Variants in LHFPL2 observed in about 807,000 individuals in gnomAD.
The protein encoded by LHFPL2 is LHFPL tetraspan subfamily member 2, also known as LHFPL tetraspan subfamily member 2 protein.
A neutral mutation model predicts 17.5 loss-of-function variants in LHFPL2; 7 were observed. That is an observed-to-expected ratio of 0.40 (90% CI 0.23 to 0.75). The LOEUF (loss-of-function observed/expected upper bound fraction) is 0.75. LHFPL2 is among the 30% of genes least tolerant of loss of function. The pLI is 0.37. For synonymous variants in LHFPL2, 134 were observed against 116.2 expected (o/e 1.15, Z -0.99); for missense variants, 241 against 294.8 (o/e 0.82, Z 1.34).
intron 2 of LHFPL2, among the ~76,000 whole-genome samples, chr5:78,618,673 C>T (rs1002206013): frequency 2.6e-5 from 4 of 152,210 alleles, no homozygotes; most frequent in East Asian, 3.8e-4. Context: ...TCCGGTGACA[C>T]GTACTTTCGT....
intron 3 of LHFPL2, among the ~76,000 whole-genome samples, chr5:78,536,990 T>G (rs962912779): frequency 6.6e-6 from 1 of 152,214 alleles, no homozygotes; most frequent in Non-Finnish European, 1.5e-5. Flanking sequence ...CTCCTCTAAG[T>G]GTGCTCCCTG....
At chr5:78,527,663 A>T (rs1755660559) in intron 3 of LHFPL2, among the ~76,000 whole-genome samples, 1 of 152,062 alleles carries the variant, frequency 6.6e-6, no homozygotes. Context: ...GGGACGAAGG[A>T]TTTCAGATTT....
In LHFPL2 at chr5:78,536,652, G is replaced by C. The variant is rs541121059; in HGVS notation, c.-185-26254C>G. On this transcript the variant is annotated intron_variant, in intron 3 of 4. Coordinates refer to ENST00000380345, the MANE Select transcript of LHFPL2 (RefSeq NM_005779.3). ...ATTCCATTATTTTAGGACAGTCTCA[G>C]TTATTCATCAGCTAGCTCAGGGCTG... 4.6e-5 allele frequency among the ~76,000 whole-genome samples: 7 copies of C among 152,300 alleles called. No individual in the cohort carries two copies. The South Asian group carries it at 1.4e-3, about 32-fold the overall frequency.
chr5:78,631,210 T>C (rs17391168), intron 2 of LHFPL2, among the ~76,000 whole-genome samples: 52,466 of 152,116 alleles, frequency 0.34, 9,608 homozygotes, highest in African/African-American at 0.46. Context: ...TTGTTCCCTA[T>C]TGCCTTTACG....
At chr5:78,547,056 G>T (rs980191959) in intron 3 of LHFPL2, among the ~76,000 whole-genome samples, 1 of 151,528 alleles carries the variant, frequency 6.6e-6, no homozygotes, top group South Asian at 2.1e-4. Flanking sequence ...GGTCCCCTTG[G>T]CCCCCATCAC....
intron 4 of LHFPL2, among the ~76,000 whole-genome samples, chr5:78,492,079 G>C (rs1268683525): frequency 1.3e-5 from 2 of 152,122 alleles, no homozygotes; most frequent in African/African-American, 2.4e-5. Context: ...GGTATGATGG[G>C]GATGTTAATA....
intron 2 of LHFPL2, among the ~76,000 whole-genome samples, chr5:78,596,624 G>A (rs796967529): frequency 3.2e-4 from 49 of 152,140 alleles, no homozygotes; most frequent in African/African-American, 1.2e-3. Flanking sequence ...AAAGTGTCAC[G>A]TGCCTGTCTG....
intron 2 of LHFPL2, among the ~76,000 whole-genome samples, chr5:78,609,450 CAAAAAAAAAAAA>C (rs71613975): frequency 4.9e-5 from 2 of 40,684 alleles, no homozygotes; most frequent in Non-Finnish European, 9.1e-5. Flanking sequence ...GACTCAGTCT[CAAAAAAAAAAAA>C]AAAAAAAAAA....
intron 4 of LHFPL2, among the ~76,000 whole-genome samples, chr5:78,504,025 T>A (rs546206982): frequency 6.6e-6 from 1 of 152,292 alleles, no homozygotes; most frequent in South Asian, 2.1e-4. Flanking sequence ...GCATTTTTTT[T>A]ACTTTTTACC....
At chr5:78,541,024 G>A (rs1371024127) in intron 3 of LHFPL2, among the ~76,000 whole-genome samples, 1 of 152,166 alleles carries the variant, frequency 6.6e-6, no homozygotes, top group Admixed American at 6.5e-5. Context: ...GTCTCCATGA[G>A]GGAAAATGGC....
chr5:78,615,649 T>C (rs965871854), intron 2 of LHFPL2, among the ~76,000 whole-genome samples: 1 of 152,212 alleles, frequency 6.6e-6, no homozygotes, highest in African/African-American at 2.4e-5. Context: ...CTTTCCCTTA[T>C]TCAGCCTAAT....
intron 4 of LHFPL2, among the ~76,000 whole-genome samples, chr5:78,496,687 A>C (rs1754617884): frequency 1.3e-5 from 2 of 152,212 alleles, no homozygotes; most frequent in Admixed American, 1.3e-4. Flanking sequence ...GGACAGCTTC[A>C]CAAAGTACTG....
At chr5:78,493,775 T>G (rs921784331) in intron 4 of LHFPL2, among the ~76,000 whole-genome samples, 4 of 152,228 alleles carry the variant, frequency 2.6e-5, no homozygotes, top group Admixed American at 6.5e-5. Context: ...TCTTGTGCCC[T>G]GAATTCCAAA....
At chr5:78,556,493 C>A (rs1283185303) in intron 3 of LHFPL2, among the ~76,000 whole-genome samples, 1 of 152,088 alleles carries the variant, frequency 6.6e-6, no homozygotes, top group East Asian at 1.9e-4. Flanking sequence ...GGGGGACATA[C>A]AATGGGTGCT....
chr5:78,512,767 C>CTT (rs34696428), intron 3 of LHFPL2, among the ~76,000 whole-genome samples: 5,995 of 137,774 alleles, frequency 0.044, 222 homozygotes, highest in East Asian at 0.18. Context: ...TTTTTCTTTT[C>CTT]TTTTTTTTTT....
intron 1 of LHFPL2, among the ~76,000 whole-genome samples, chr5:78,634,707 T>C (rs1321840450): frequency 6.6e-6 from 1 of 152,202 alleles, no homozygotes; most frequent in African/African-American, 2.4e-5. Context: ...CCCCTCACCC[T>C]TTCCAATCCA....
At chr5:78,516,219 AATGC>A (rs1434608079) in intron 3 of LHFPL2, among the ~76,000 whole-genome samples, 1 of 146,142 alleles carries the variant, frequency 6.8e-6, no homozygotes, top group Non-Finnish European at 1.5e-5. Flanking sequence ...AGAGGACCCA[AATGC>A]ACTAACAATT....
At chr5:78,570,639 T>C (rs1459476177) in intron 2 of LHFPL2, among the ~76,000 whole-genome samples, 4 of 147,596 alleles carry the variant, frequency 2.7e-5, no homozygotes, top group African/African-American at 1.0e-4. Flanking sequence ...ATATAGTATA[T>C]ATATATATAC....
chr5:78,645,936 C>T (rs557082727), intron 1 of LHFPL2, among the ~76,000 whole-genome samples: 24 of 152,286 alleles, frequency 1.6e-4, no homozygotes, highest in Non-Finnish European at 2.9e-4. Flanking sequence ...CAGCTATTTG[C>T]TTCTTGTTTG....
Sources: allele counts gnomAD v4.1 joint callset (sites outside exome capture counted in the v4.1 genomes callset), GRCh38; gene constraint gnomAD v4.1.1; transcripts MANE v1.5; gene names NCBI Gene and HGNC (gene_info 2026-07-23, HGNC 2026-07-21).